TP53BP1: variants seen among roughly 807,000 people sequenced by gnomAD.
TP53BP1 encodes tumor protein p53 binding protein 1, also known as TP53-binding protein 1.
In TP53BP1, 61 loss-of-function variants were observed where a neutral mutation model predicts 200.8. The ratio of observed to expected loss-of-function variants is 0.30; its 90% CI spans 0.25 to 0.38. TP53BP1 has a LOEUF of 0.38. Ranked by LOEUF, TP53BP1 falls within the 10% of genes least tolerant of loss-of-function variation. The pLI is 1.00. For missense variants in TP53BP1, 2,144 were observed against 2,371.9 expected, an observed-to-expected ratio of 0.90 and a Z score of 2.00; for synonymous variants, 822 against 844.3, an observed-to-expected ratio of 0.97 and a Z score of 0.46.
intron 23 of TP53BP1, chr15:43,415,234 T>G: frequency 5.0e-6 from 1 of 200,128 alleles, no homozygotes; most frequent in Non-Finnish European, 1.0e-5. Flanking sequence ...GGAGACCAAG[T>G]TTCACTCTTG....
At chr15:43,482,744 G>A (rs554832758) in intron 4 of TP53BP1, among the ~76,000 whole-genome samples, 2 of 152,202 alleles carry the variant, frequency 1.3e-5, no homozygotes, top group Admixed American at 1.3e-4. Context: ...CTCCAGCCTG[G>A]GAGACATGGC....
intron 4 of TP53BP1, among the ~76,000 whole-genome samples, chr15:43,486,919 C>T (rs1358052581): frequency 1.3e-5 from 2 of 152,180 alleles, no homozygotes; most frequent in Non-Finnish European, 2.9e-5. Context: ...AGCCACTGCA[C>T]CCGGCCTATA....
chr15:43,478,673 TC>T (rs2140118705), intron 7 of TP53BP1, among the ~76,000 whole-genome samples: 1 of 152,126 alleles, frequency 6.6e-6, no homozygotes, highest in East Asian at 1.9e-4. Context: ...CCTGAGAAAA[TC>T]CCTACATCTA....
At position 43,449,392 on chromosome 15, in the gene TP53BP1, C is replaced by T. The variant is rs187726470; in HGVS notation, c.2717-1907G>A. Among the ~76,000 whole-genome samples the T allele has an allele frequency of 2.0e-3, 298 of 152,310 alleles. 2 individuals carry two copies. Among genetic ancestry groups the T allele is most frequent in the African/African-American group, 6.7e-3 (278 of 41,576 alleles). ...AATGTGCATGAAATCTTTAAGCAGA[C>T]CTTTCTATGTGACATACTATATTAC... is the stretch of plus-strand genomic sequence containing the variant. On this transcript the variant is annotated intron_variant, in intron 12 of 27. Coordinates refer to ENST00000382044, the MANE Select transcript of TP53BP1 (RefSeq NM_001141980.3).
At position 43,405,991 on chromosome 15, in the gene TP53BP1, G is replaced by A. The variant is rs2044856248; in HGVS notation, c.*1392C>T. On this transcript the variant is annotated 3_prime_UTR_variant, in exon 28 of 28. Coordinates refer to ENST00000382044, the MANE Select transcript of TP53BP1 (RefSeq NM_001141980.3). The stretch of plus-strand genomic sequence containing the variant: ...GGAAGCAGACGCTGCAGTGAGCTGA[G>A]ATTGTGCCATTGCATTCCAGCCCGG... The A allele has an allele frequency of 7.4e-6, 1 of 134,950 alleles. No homozygotes were observed. The highest frequency in any genetic ancestry group is 2.7e-5 in the African/African-American group (1 of 36,968). 8.4% of individuals were successfully genotyped at this position (134,950 alleles called of 1,614,324 possible).
chr15:43,474,022 G>A (rs1310200755), intron 10 of TP53BP1, among the ~76,000 whole-genome samples: 1 of 152,246 alleles, frequency 6.6e-6, no homozygotes, highest in Non-Finnish European at 1.5e-5. Flanking sequence ...TGCCCCACTG[G>A]AAGGCAGCTA....
intron 12 of TP53BP1, among the ~76,000 whole-genome samples, chr15:43,451,999 G>A (rs2046181336): frequency 6.6e-6 from 1 of 151,888 alleles, no homozygotes; most frequent in Non-Finnish European, 1.5e-5. Context: ...GCCAGGCATG[G>A]TGACATGTGC....
Position 43,416,248 on chromosome 15 carries a change from G to C in TP53BP1, c.4850C>G (p.Thr1617Arg), listed in dbSNP as rs1280526222. The C allele has an allele frequency of 5.0e-6, 8 of 1,613,832 alleles. No individual in the cohort carries two copies. Among genetic ancestry groups the C allele is most frequent in the Non-Finnish European group, 6.8e-6 (8 of 1,179,972 alleles). ...LGPYEAVTPL[T>R]KAADISLDNL... ...ACCTAAGCTGATATCTGCTGCCTTT[G>C]TAAGAGGTGTTACTGCTTCATAGGG... The change falls in exon 22 of 28, where the codon ACA (threonine) becomes AGA (arginine). Residue 1617 changes from threonine (T) to arginine (R), a missense_variant. Thr to Arg is a moderately conservative substitution (Grantham distance 71). This residue lies in a region of TP53BP1 where 334 missense variants were observed against 453.4 expected (regional missense o/e 0.74). Transcript: ENST00000382044.
intron 11 of TP53BP1, among the ~76,000 whole-genome samples, chr15:43,468,483 G>T (rs1302512109): frequency 6.6e-6 from 1 of 150,846 alleles, no homozygotes. Context: ...GGAAGTCAAG[G>T]CTGCAGTGAG....
At chr15:43,420,172 T>C in intron 21 of TP53BP1, 133 bp downstream of exon 21, 4 of 874,728 alleles carry the variant, frequency 4.6e-6, no homozygotes, top group South Asian at 1.7e-5. Flanking sequence ...GTAACCAATT[T>C]TGTAGGAATG....
chr15:43,473,776 G>A (rs867614823), intron 10 of TP53BP1, among the ~76,000 whole-genome samples: 1 of 152,208 alleles, frequency 6.6e-6, no homozygotes, highest in African/African-American at 2.4e-5. Context: ...GGTTCTCCAC[G>A]TCCTCACCAG....
chr15:43,419,914 G>A (rs2045355446), intron 21 of TP53BP1, among the ~76,000 whole-genome samples: 1 of 152,150 alleles, frequency 6.6e-6, no homozygotes, highest in Non-Finnish European at 1.5e-5. Flanking sequence ...TGATGGAAAA[G>A]CTAGTGAAAT....
intron 21 of TP53BP1, chr15:43,416,622 G>A (rs2045271577): frequency 2.4e-6 from 1 of 415,000 alleles, no homozygotes; most frequent in Admixed American, 4.2e-5. Context: ...TTAGGACAAG[G>A]AAAGTTTCTT....
intron 11 of TP53BP1, among the ~76,000 whole-genome samples, chr15:43,458,317 A>G (rs2143011143): frequency 6.6e-6 from 1 of 152,142 alleles, no homozygotes; most frequent in Non-Finnish European, 1.5e-5. Context: ...CTGTAGTCCC[A>G]GCTACTCACA....
At chr15:43,458,517 A>C (rs886376445) in intron 11 of TP53BP1, among the ~76,000 whole-genome samples, 8 of 151,980 alleles carry the variant, frequency 5.3e-5, no homozygotes, top group African/African-American at 1.9e-4. Flanking sequence ...GGTGGCTCAC[A>C]CCTGTAATCC....
chr15:43,509,840 A>AC (rs1469430632), intron 1 of TP53BP1, among the ~76,000 whole-genome samples: 1 of 151,968 alleles, frequency 6.6e-6, no homozygotes, highest in Non-Finnish European at 1.5e-5. Context: ...ACAAAAAAAA[A>AC]CCCAAAAACC....
Position 43,428,062 on chromosome 15 carries a change from T to A in TP53BP1, c.3782A>T (p.Asp1261Val). 1 of 1,612,830 alleles carries A rather than the reference T, an allele frequency of 6.2e-7. No homozygotes were observed. Among genetic ancestry groups the A allele is most frequent in the Non-Finnish European group, 8.5e-7 (1 of 1,178,998 alleles). ...TTCTGTTCCATCCACATAATACACA[T>A]CTGTAATGACACGAGTGACAAGTGT... ...VRTLVTRVIT[D>V]VYYVDGTEVE... Residue 1261 changes from aspartate (D) to valine (V), a missense_variant, in exon 18 of 28, where the codon GAT becomes GTT. Asp to Val is a radical substitution (Grantham distance 152). Transcript: ENST00000382044.
At chr15:43,459,260 C>A (rs1403944911) in intron 11 of TP53BP1, among the ~76,000 whole-genome samples, 1 of 152,078 alleles carries the variant, frequency 6.6e-6, no homozygotes, top group Non-Finnish European at 1.5e-5. Flanking sequence ...TTGCTTGAAC[C>A]CAGGAGGCAG....
chr15:43,429,948 T>A (rs941594084), intron 17 of TP53BP1, among the ~76,000 whole-genome samples: 3 of 152,198 alleles, frequency 2.0e-5, no homozygotes, highest in African/African-American at 4.8e-5. Context: ...CCAAGAAGCT[T>A]CCCTGTATTC....
Sources: gnomAD v4.1 joint callset for allele counts (sites outside exome capture counted in the v4.1 genomes callset) on GRCh38, gnomAD v4.1.1 for gene constraint, gnomAD v4.1.1 regional missense constraint, MANE v1.5 for transcripts, NCBI Gene and HGNC (gene_info 2026-07-23, HGNC 2026-07-21) for gene names.